The following LNX1 variants were observed in gnomAD, a reference collection of about 807,000 sequenced individuals.
The protein encoded by LNX1 is E3 ubiquitin-protein ligase LNX.
A neutral mutation model predicts 68.4 loss-of-function variants in LNX1; 54 were observed. That is an observed-to-expected ratio of 0.79 (90% CI 0.63 to 0.99). The LOEUF (loss-of-function observed/expected upper bound fraction) is 0.99, where lower values mean the gene tolerates loss of function less well. Ranked by LOEUF, LNX1 falls within the 50% of genes least tolerant of loss-of-function variation. The probability of loss-of-function intolerance (pLI) is 0.00; values close to 1 mark genes in which losing one functional copy is unlikely to be tolerated. For synonymous variants in LNX1, 336 were observed against 350.0 expected (o/e 0.96, Z 0.45); for missense variants, 906 against 926.4 (o/e 0.98, Z 0.29).
rs1013708897 is a variant in LNX1 at position 53,579,300 on chromosome 4, C to G, written c.-86-5212G>C. 7.1e-6 allele frequency: 7 copies of G among 981,668 alleles called. No homozygotes were observed. In the African/African-American group the frequency reaches 1.1e-4, roughly 15 times the overall value. The allele number at this position is 981,668 out of a possible 1,614,324, so 60.8% of individuals were successfully genotyped here. A position where few individuals can be genotyped will look rare whatever the true frequency, so the allele number is the denominator to read the frequency against. ...AAATCTTACACTTTTTCAGTATAAC[C>G]CTGTGGTGCCTTAGGAATCACCCTT... is the stretch of plus-strand genomic sequence containing the variant. On this transcript the variant is annotated intron_variant, in intron 1 of 10. Coordinates refer to ENST00000263925, the MANE Select transcript of LNX1 (RefSeq NM_001126328.3).
At position 53,496,335 on chromosome 4, in the gene LNX1, C is replaced by G; in HGVS notation, c.1038G>C (p.Gln346His). Reference protein sequence around the residue: ...PHNYAVRLLRQPCQVLWLTVM... With the variant: ...PHNYAVRLLRHPCQVLWLTVM... ...CAGTCAGCCACAGCACCTGGCAGGG[C>G]TGCCGCAGGAGACGCACAGCGTAGT... The change falls in exon 6 of 11, where the codon CAG (glutamine) becomes CAC (histidine). Residue 346 changes from glutamine to histidine, a missense_variant. Transcript: ENST00000263925. 3 of 1,614,162 alleles carry G rather than the reference C, an allele frequency of 1.9e-6. No individual in the cohort carries two copies. The highest frequency in any genetic ancestry group is 1.6e-4 in the Middle Eastern group (1 of 6,062).
Position 53,476,952 on chromosome 4 carries a change from C to T in LNX1, c.1693G>A (p.Glu565Lys), listed in dbSNP as rs1723604606. The T allele has an allele frequency of 6.2e-7, 1 of 1,614,122 alleles. No homozygotes were observed. Among genetic ancestry groups the T allele is most frequent in the East Asian group, 2.2e-5 (1 of 44,880 alleles). Residue 565 changes from glutamate to lysine, a missense_variant, in exon 9 of 11, where the codon GAA becomes AAA. Coordinates refer to ENST00000263925, the MANE Select transcript of LNX1 (RefSeq NM_001126328.3). Reference sequence around the variant, plus strand: ...TCACTCCGGCTGACCTCTGTCAGTTCGACCCCATCCACATTCAACAAAATG... The same window carrying T: ...TCACTCCGGCTGACCTCTGTCAGTTTGACCCCATCCACATTCAACAAAATG... ...GDILLNVDGV[E>K]LTEVSRSEAV...
intron 6 of LNX1, among the ~76,000 whole-genome samples, chr4:53,486,756 T>C (rs1207677272): frequency 6.6e-6 from 1 of 152,232 alleles, no homozygotes; most frequent in Non-Finnish European, 1.5e-5. Context: ...TCGTTTTGTT[T>C]AATGACTGCT....
At chr4:53,559,841 T>G (rs1730156710) in intron 2 of LNX1, among the ~76,000 whole-genome samples, 1 of 149,498 alleles carries the variant, frequency 6.7e-6, no homozygotes, top group African/African-American at 2.4e-5. Context: ...TAAAATCTTT[T>G]TCAGAGATGA....
chr4:53,528,462 G>A (rs1216406607), intron 2 of LNX1, among the ~76,000 whole-genome samples: 1 of 152,166 alleles, frequency 6.6e-6, no homozygotes, highest in Non-Finnish European at 1.5e-5. Flanking sequence ...GATGAGTACT[G>A]TACAATAAGA....
intron 2 of LNX1, among the ~76,000 whole-genome samples, chr4:53,544,143 T>C (rs1247720393): frequency 1.3e-5 from 2 of 152,198 alleles, no homozygotes; most frequent in Non-Finnish European, 2.9e-5. Flanking sequence ...TCTAGGTGTT[T>C]GAGAGCAGTA....
Position 53,495,548 on chromosome 4 carries a change from C to CTTTTTT in LNX1, c.1350+469_1350+474dup, listed in dbSNP as rs199684639. Among the ~76,000 whole-genome samples the CTTTTTT allele has an allele frequency of 3.3e-5, 4 of 119,414 alleles. 1 individual carries two copies. Among genetic ancestry groups the CTTTTTT allele is most frequent in the Non-Finnish European group, 7.0e-5 (4 of 57,132 alleles). The allele number at this position is 119,414 out of a possible 152,430, so 78.3% of individuals were successfully genotyped here. A position where few individuals can be genotyped will look rare whatever the true frequency, so the allele number is the denominator to read the frequency against. The stretch of plus-strand genomic sequence containing the variant: ...GATCCCTGGAGAATGCATGGCATAG[C>CTTTTTT]TTTTTTTTTTTTTAAGATGGGTCTT... On this transcript the variant is annotated intron_variant, in intron 6 of 10. Transcript: ENST00000263925.
At chr4:53,516,155 C>T (rs1368913151) in intron 2 of LNX1, among the ~76,000 whole-genome samples, 1 of 152,072 alleles carries the variant, frequency 6.6e-6, no homozygotes, top group Non-Finnish European at 1.5e-5. Context: ...GGCAGGAGGA[C>T]TGCTTGAGCC....
intron 4 of LNX1, among the ~76,000 whole-genome samples, chr4:53,507,085 C>T (rs535703333): frequency 3.3e-5 from 5 of 152,180 alleles, no homozygotes; most frequent in African/African-American, 7.2e-5. Flanking sequence ...ATGGTACTAG[C>T]GCCTGAAGGT....
chr4:53,642,525 C>A (rs1277779356), intron 1 of LNX1, among the ~76,000 whole-genome samples: 1 of 152,146 alleles, frequency 6.6e-6, no homozygotes, highest in Non-Finnish European at 1.5e-5. Context: ...TTCCCACATA[C>A]CCTGTACACT....
chr4:53,613,453 C>T (rs1032991675), intron 2 of LNX1, among the ~76,000 whole-genome samples: 11 of 152,036 alleles, frequency 7.2e-5, no homozygotes, highest in Admixed American at 4.6e-4. Flanking sequence ...TATTTCAACA[C>T]CCAGGTATTA....
rs752665620 is a variant in LNX1 at position 53,478,664 on chromosome 4, C to G, written c.1564G>C (p.Val522Leu). ...TCTCTATGTGATGCTCCCCCTGCGA[C>G]GGTCATGCCGAGAGATTCACCGGGG... ...KDPGESLGMT[V>L]AGGASHREWD... Residue 522 changes from valine (V) to leucine (L), a missense_variant, in exon 8 of 11, where the codon GTC becomes CTC. By Grantham distance (32) the Val-to-Leu change is conservative. Coordinates refer to ENST00000263925, the MANE Select transcript of LNX1 (RefSeq NM_001126328.3). The G allele has an allele frequency of 9.3e-6, 15 of 1,613,944 alleles. No individual in the cohort carries two copies. The highest frequency in any genetic ancestry group is 4.0e-5 in the African/African-American group (3 of 74,904).
chr4:53,626,708 CA>C (rs533823985), intron 1 of LNX1, among the ~76,000 whole-genome samples: 12 of 151,344 alleles, frequency 7.9e-5, no homozygotes, highest in African/African-American at 2.9e-4. Flanking sequence ...ATAGGCAAAC[CA>C]AAAAAAAGAA....
intron 2 of LNX1, among the ~76,000 whole-genome samples, chr4:53,555,817 T>C (rs571473630): frequency 7.0e-4 from 107 of 152,034 alleles, no homozygotes; most frequent in African/African-American, 2.5e-3. Context: ...ATCATACTTT[T>C]ATAGATTGCT....
chr4:53,501,153 T>TA (rs1725445098), intron 4 of LNX1, among the ~76,000 whole-genome samples: 1 of 152,286 alleles, frequency 6.6e-6, no homozygotes, highest in East Asian at 1.9e-4. Context: ...ATTATGTCCT[T>TA]ACTCAAGGAC....
chr4:53,482,804 C>CA (rs1724034384), intron 6 of LNX1, among the ~76,000 whole-genome samples: 1 of 152,144 alleles, frequency 6.6e-6, no homozygotes, highest in Non-Finnish European at 1.5e-5. Context: ...CACCACCATA[C>CA]AATGCATCCA....
At chr4:53,462,515 A>G (rs565133900) in intron 9 of LNX1, among the ~76,000 whole-genome samples, 1 of 152,248 alleles carries the variant, frequency 6.6e-6, no homozygotes, top group African/African-American at 2.4e-5. Flanking sequence ...TATTTTGTTT[A>G]TATACCGTAC....
chr4:53,643,441 T>C (rs2668523), intron 1 of LNX1, among the ~76,000 whole-genome samples: 124,988 of 152,096 alleles, frequency 0.82, 51,819 homozygotes, highest in African/African-American at 0.94. Flanking sequence ...TGAGACACCA[T>C]CCCGGTCAAG....
intron 9 of LNX1, among the ~76,000 whole-genome samples, chr4:53,463,793 G>A (rs1269482527): frequency 2.0e-5 from 3 of 151,990 alleles, no homozygotes; most frequent in Non-Finnish European, 4.4e-5. Context: ...GTATGCTGAA[G>A]TCTTGAGCTG....
Sources: gnomAD v4.1 joint callset for allele counts (sites outside exome capture counted in the v4.1 genomes callset) on GRCh38, gnomAD v4.1.1 for gene constraint, MANE v1.5 for transcripts, NCBI Gene and HGNC (gene_info 2026-07-23, HGNC 2026-07-21) for gene names.